Variants in GPR15LG observed in about 807,000 individuals in gnomAD.
The protein encoded by GPR15LG is G protein-coupled receptor 15 ligand.
At chr10:84,174,039 C>T in the GPR15LG span, 4 of 788,886 alleles carry the variant, frequency 5.1e-6, no homozygotes, top group Middle Eastern at 3.6e-4. Context: ...CAGTCCTGAG[C>T]CCCGGAAAGA....
the GPR15LG span, among the ~76,000 whole-genome samples, chr10:84,174,432 G>A: frequency 6.6e-6 from 1 of 151,730 alleles, no homozygotes; most frequent in Non-Finnish European, 1.5e-5. Context: ...TTTAGAAGGG[G>A]ACACCATCTT....
the GPR15LG span, among the ~76,000 whole-genome samples, chr10:84,179,877 C>CTTT: frequency 2.4e-3 from 320 of 132,348 alleles, 3 homozygotes; most frequent in African/African-American, 8.5e-3. Context: ...TTTAAAAAGG[C>CTTT]TTTTTTTTTT....
chr10:84,185,189 C>A, the GPR15LG span: 1 of 573,360 alleles, frequency 1.7e-6, no homozygotes, highest in South Asian at 5.3e-5. Context: ...TACCAGCATC[C>A]AGTGGTCCCC....
the GPR15LG span, chr10:84,173,971 G>A: frequency 8.0e-6 from 11 of 1,379,736 alleles, no homozygotes; most frequent in South Asian, 9.3e-5. Context: ...TCAGCATCTG[G>A]GAAGACTCTG....
the GPR15LG span, chr10:84,185,128 A>G: frequency 1.9e-6 from 2 of 1,078,750 alleles, no homozygotes; most frequent in Non-Finnish European, 2.3e-6. Context: ...GCTGACCAAG[A>G]CTGCAGAGTC....
chr10:84,176,998 C>T, the GPR15LG span, among the ~76,000 whole-genome samples: 1 of 152,106 alleles, frequency 6.6e-6, no homozygotes, highest in Non-Finnish European at 1.5e-5. Flanking sequence ...CTCCCAGAAG[C>T]TAAGGACCAA....
the GPR15LG span, chr10:84,185,033 G>A: frequency 1.7e-5 from 22 of 1,295,460 alleles, no homozygotes; most frequent in African/African-American, 1.2e-4. Context: ...GCAAACCACC[G>A]AGCATTCCAC....
the GPR15LG span, among the ~76,000 whole-genome samples, chr10:84,181,693 C>T: frequency 1.1e-4 from 16 of 151,546 alleles, no homozygotes; most frequent in African/African-American, 2.2e-4. Flanking sequence ...AGTGCTAAAG[C>T]GCTGGGATTA....
the GPR15LG span, among the ~76,000 whole-genome samples, chr10:84,183,852 C>A: frequency 6.6e-6 from 1 of 151,942 alleles, no homozygotes; most frequent in African/African-American, 2.4e-5. Context: ...CATCATGTTG[C>A]GCAGGCTGTT....
the GPR15LG span, among the ~76,000 whole-genome samples, chr10:84,176,163 C>G: frequency 6.6e-6 from 1 of 152,196 alleles, no homozygotes; most frequent in Non-Finnish European, 1.5e-5. Flanking sequence ...GCTAGGATTA[C>G]AGGCATGAGC....
chr10:84,184,112 G>A, the GPR15LG span, among the ~76,000 whole-genome samples: 1 of 150,730 alleles, frequency 6.6e-6, no homozygotes, highest in Non-Finnish European at 1.5e-5. Flanking sequence ...TTGAGGCCAG[G>A]AGTTCGTGAC....
the GPR15LG span, among the ~76,000 whole-genome samples, chr10:84,180,248 A>G: frequency 4.1e-4 from 63 of 152,410 alleles, no homozygotes; most frequent in South Asian, 7.7e-3. Context: ...TTCCTAGTAC[A>G]GAACAAAATG....
At chr10:84,173,952 A>G in the GPR15LG span, 1 of 1,531,012 alleles carries the variant, frequency 6.5e-7, no homozygotes, top group Non-Finnish European at 9.0e-7. Flanking sequence ...CAGATCCCTG[A>G]GCAGGATTTC....
At chr10:84,184,636 A>G in the GPR15LG span, 73 of 1,604,094 alleles carry the variant, frequency 4.6e-5, no homozygotes, top group Non-Finnish European at 5.9e-5. Flanking sequence ...TGACCTCGCC[A>G]TCTTCCTGTC....
At chr10:84,181,186 G>GGAGGGAGAGGGAGAGGGAGAGGGA in the GPR15LG span, among the ~76,000 whole-genome samples, 6 of 120,926 alleles carry the variant, frequency 5.0e-5, no homozygotes, top group Admixed American at 1.6e-4. Flanking sequence ...CGTGCAAAGA[G>GGAGGGAGAGGGAGAGGGAGAGGGA]GAGGGAGAGG....
chr10:84,182,566 G>T, the GPR15LG span, among the ~76,000 whole-genome samples: 4 of 152,170 alleles, frequency 2.6e-5, no homozygotes, highest in Non-Finnish European at 4.4e-5. Flanking sequence ...CATGCTCTTC[G>T]CAGGCGAGCC....
chr10:84,184,647 C>T, the GPR15LG span: 5 of 1,611,298 alleles, frequency 3.1e-6, no homozygotes, highest in African/African-American at 1.3e-5. Flanking sequence ...TCTTCCTGTC[C>T]TTGTCCCTCT....
chr10:84,183,036 A>C, the GPR15LG span, among the ~76,000 whole-genome samples: 40 of 151,816 alleles, frequency 2.6e-4, no homozygotes, highest in Admixed American at 3.9e-4. Flanking sequence ...AAAAAAAAAA[A>C]CAGAAAAACA....
At chr10:84,184,549 G>A in the GPR15LG span, 2 of 970,400 alleles carry the variant, frequency 2.1e-6, no homozygotes, top group East Asian at 4.9e-5. Flanking sequence ...TCTAATTCTT[G>A]CTTTGAAATT....
Sources: allele counts gnomAD v4.1 joint callset (sites outside exome capture counted in the v4.1 genomes callset), GRCh38; gene constraint gnomAD v4.1.1; transcripts MANE v1.5; gene names NCBI Gene and HGNC (gene_info 2026-07-23, HGNC 2026-07-21).